Variants in FERRY3 observed in about 807,000 individuals in gnomAD.
The protein encoded by FERRY3 is FERRY endosomal RAB5 effector complex subunit 3.
the FERRY3 span, among the ~76,000 whole-genome samples, chr12:4,516,465 G>A: frequency 7.9e-5 from 12 of 152,154 alleles, 1 homozygote; most frequent in Non-Finnish European, 1.3e-4. Context: ...GAATCAACCT[G>A]AATGCCCATC....
the FERRY3 span, among the ~76,000 whole-genome samples, chr12:4,501,448 C>T: frequency 6.6e-6 from 1 of 152,162 alleles, no homozygotes; most frequent in Non-Finnish European, 1.5e-5. Context: ...AGGTGAGCAG[C>T]CAGCAAGCAA....
chr12:4,496,068 G>A, the FERRY3 span, among the ~76,000 whole-genome samples: 5 of 152,104 alleles, frequency 3.3e-5, no homozygotes, highest in Admixed American at 6.6e-5. Flanking sequence ...GCATGTGCAC[G>A]CACACAAACA....
At chr12:4,536,205 A>G in the FERRY3 span, 1 of 1,545,582 alleles carries the variant, frequency 6.5e-7, no homozygotes, top group Non-Finnish European at 8.8e-7. Context: ...ATTCTTTGAC[A>G]GGATTTCTAC....
chr12:4,535,600 CAA>C, the FERRY3 span, among the ~76,000 whole-genome samples: 1 of 152,138 alleles, frequency 6.6e-6, no homozygotes, highest in Non-Finnish European at 1.5e-5. This position sits in a 1 kb window ranked among gnomAD's most constrained non-coding sequence, Gnocchi z 4.0. Context: ...TTTAGGTAAG[CAA>C]AGACTATTCA....
chr12:4,529,869 C>T, the FERRY3 span: 1 of 1,570,264 alleles, frequency 6.4e-7, no homozygotes, highest in Non-Finnish European at 8.6e-7. Flanking sequence ...TTTGAAATAC[C>T]TCTCTCGTAA....
chr12:4,506,746 A>G, the FERRY3 span, among the ~76,000 whole-genome samples: 3 of 152,274 alleles, frequency 2.0e-5, no homozygotes, highest in South Asian at 2.1e-4. Flanking sequence ...ATAAATGTGT[A>G]TAAACATTTT....
the FERRY3 span, among the ~76,000 whole-genome samples, chr12:4,531,059 C>T: frequency 6.6e-6 from 1 of 151,948 alleles, no homozygotes. Flanking sequence ...AATAATTTAC[C>T]TTAAAACAAA....
the FERRY3 span, chr12:4,502,525 T>C: frequency 7.5e-6 from 3 of 398,936 alleles, no homozygotes; most frequent in East Asian, 7.5e-5. This position sits in a 1 kb window ranked among gnomAD's most constrained non-coding sequence, Gnocchi z 4.2. Flanking sequence ...AGAAAGGATA[T>C]GTTCTTACCA....
chr12:4,529,969 G>C, the FERRY3 span: 11 of 1,613,356 alleles, frequency 6.8e-6, no homozygotes, highest in Non-Finnish European at 9.3e-6. Context: ...TCAGAGGCAG[G>C]AGAATGAATT....
At chr12:4,513,337 G>A in the FERRY3 span, among the ~76,000 whole-genome samples, 8 of 152,118 alleles carry the variant, frequency 5.3e-5, no homozygotes, top group Non-Finnish European at 8.8e-5. Flanking sequence ...TACAGATTCA[G>A]TGCCATCCGC....
chr12:4,496,052 G>C, the FERRY3 span, among the ~76,000 whole-genome samples: 1 of 152,182 alleles, frequency 6.6e-6, no homozygotes, highest in Non-Finnish European at 1.5e-5. Flanking sequence ...ACAGCTACCT[G>C]TATATGCATG....
At chr12:4,515,026 C>T in the FERRY3 span, among the ~76,000 whole-genome samples, 1 of 152,146 alleles carries the variant, frequency 6.6e-6, no homozygotes, top group Admixed American at 6.5e-5. Context: ...CACATGTATA[C>T]ATATGTAACT....
chr12:4,503,538 T>C, the FERRY3 span, among the ~76,000 whole-genome samples: 3 of 152,364 alleles, frequency 2.0e-5, no homozygotes, highest in African/African-American at 7.2e-5. Flanking sequence ...ATTTTTGATT[T>C]AGATTTTTTT....
chr12:4,490,661 T>A, the FERRY3 span: 3 of 1,244,558 alleles, frequency 2.4e-6, no homozygotes, highest in East Asian at 2.4e-5. Flanking sequence ...TTACTGAAAT[T>A]AACTGAATTT....
the FERRY3 span, among the ~76,000 whole-genome samples, chr12:4,526,775 G>A: frequency 1.3e-5 from 2 of 151,552 alleles, no homozygotes; most frequent in African/African-American, 4.9e-5. Flanking sequence ...CCAGGAGACT[G>A]AGGTTGCAGT....
chr12:4,531,865 C>T, the FERRY3 span, among the ~76,000 whole-genome samples: 1 of 152,152 alleles, frequency 6.6e-6, no homozygotes, highest in East Asian at 1.9e-4. Context: ...CATGTGGAAA[C>T]CCATCCAAGG....
chr12:4,510,600 T>C, the FERRY3 span, among the ~76,000 whole-genome samples: 1 of 151,362 alleles, frequency 6.6e-6, no homozygotes, highest in Middle Eastern at 3.4e-3. Context: ...TCAACATTCT[T>C]AAAGAAAAGA....
the FERRY3 span, among the ~76,000 whole-genome samples, chr12:4,495,215 CGTTAAACATTTTAT>C: frequency 6.6e-6 from 1 of 152,122 alleles, no homozygotes; most frequent in Non-Finnish European, 1.5e-5. Flanking sequence ...TATTCACTTA[CGTTAAACATTTTAT>C]TCAAGAACCC....
chr12:4,501,320 A>G, the FERRY3 span, among the ~76,000 whole-genome samples: 1 of 152,090 alleles, frequency 6.6e-6, no homozygotes, highest in Non-Finnish European at 1.5e-5. Context: ...ACTTAAATAT[A>G]TATCATATTA....
Sources: gnomAD v4.1 joint callset for allele counts (sites outside exome capture counted in the v4.1 genomes callset) on GRCh38, gnomAD v4.1.1 for gene constraint, Gnocchi (gnomAD v3.1) non-coding constraint, MANE v1.5 for transcripts, NCBI Gene and HGNC (gene_info 2026-07-23, HGNC 2026-07-21) for gene names.